Variants in FGGY observed in about 807,000 individuals in gnomAD.
FGGY encodes the protein FGGY carbohydrate kinase domain containing.
FGGY carries 72 observed loss-of-function variants against 71.3 expected under a neutral mutation model. That is an observed-to-expected ratio of 1.01 (90% CI 0.84 to 1.23). The LOEUF is 1.23. Ranked by LOEUF, FGGY falls within the 50% of genes most tolerant of loss-of-function variation. The probability of loss-of-function intolerance (pLI) is 0.00; values close to 1 mark genes in which losing one functional copy is unlikely to be tolerated. For missense variants in FGGY, 668 were observed against 682.3 expected, an observed-to-expected ratio of 0.98 and a Z score of 0.23; for synonymous variants, 251 against 250.3, an observed-to-expected ratio of 1.00 and a Z score of -0.02.
At chr1:59,364,593 T>C (rs568569534) in intron 4 of FGGY, among the ~76,000 whole-genome samples, 3 of 152,356 alleles carry the variant, frequency 2.0e-5, no homozygotes, top group Non-Finnish European at 2.9e-5. Context: ...GGAGTAGAGA[T>C]ATTTAATAAA....
At chr1:59,334,527 T>A (rs1243494795) in intron 2 of FGGY, among the ~76,000 whole-genome samples, 1 of 152,226 alleles carries the variant, frequency 6.6e-6, no homozygotes, top group Non-Finnish European at 1.5e-5. Context: ...ATGTCAAACA[T>A]ATGGCACATA....
chr1:59,624,125 AG>A (rs886084776), intron 9 of FGGY, among the ~76,000 whole-genome samples: 2 of 3,458 alleles, frequency 5.8e-4, no homozygotes, highest in African/African-American at 6.9e-4. Context: ...TAACTGCATG[AG>A]TTTTTTTTTT....
intron 10 of FGGY, among the ~76,000 whole-genome samples, chr1:59,627,136 A>G (rs1350083481): frequency 1.3e-5 from 2 of 152,112 alleles, no homozygotes; most frequent in Non-Finnish European, 2.9e-5. Flanking sequence ...AACTGAACCT[A>G]CTGTATTACA....
chr1:59,748,161 T>C (rs181235386), intron 14 of FGGY, among the ~76,000 whole-genome samples: 1 of 152,102 alleles, frequency 6.6e-6, no homozygotes, highest in Admixed American at 6.5e-5. Context: ...AAGCTAGGGA[T>C]ACTTCAAAGA....
chr1:59,425,132 G>A (rs2066125136), intron 5 of FGGY, among the ~76,000 whole-genome samples: 2 of 152,294 alleles, frequency 1.3e-5, no homozygotes, highest in African/African-American at 2.4e-5. Flanking sequence ...CATATATAAA[G>A]CATGTAGCAT....
intron 6 of FGGY, among the ~76,000 whole-genome samples, chr1:59,479,406 G>A (rs544834736): frequency 6.6e-6 from 1 of 152,308 alleles, no homozygotes; most frequent in Admixed American, 6.5e-5. Flanking sequence ...CTGATAAGAA[G>A]ATTCTAGTAG....
chr1:59,420,906 G>T (rs1161363836), intron 5 of FGGY, among the ~76,000 whole-genome samples: 3 of 151,270 alleles, frequency 2.0e-5, no homozygotes, highest in Admixed American at 6.6e-5. Context: ...AGTATTTTTT[G>T]GGGGTATTTG....
intron 8 of FGGY, among the ~76,000 whole-genome samples, chr1:59,570,018 C>G (rs1353971757): frequency 6.6e-6 from 1 of 152,162 alleles, no homozygotes; most frequent in Non-Finnish European, 1.5e-5. Context: ...TTCCTTGTCT[C>G]TAATTTCCAT....
Position 59,508,480 on chromosome 1 carries a change from G to T in FGGY, c.671-3831G>T, listed in dbSNP as rs565000699. 2.0e-5 allele frequency among the ~76,000 whole-genome samples: 3 copies of T among 152,304 alleles called. No individual in the cohort carries two copies. The South Asian group carries it at 6.2e-4, about 32-fold the overall frequency. On this transcript the variant is annotated intron_variant, in intron 6 of 15. Coordinates refer to ENST00000303721, the MANE Select transcript of FGGY (RefSeq NM_018291.5). ...AATGCTGTGAATAATTTAATTTTAT[G>T]GTGAAAGAAAAGCCAAACAAGGATT...
At chr1:59,312,034 C>G (rs1303183497) in intron 1 of FGGY, among the ~76,000 whole-genome samples, 1 of 152,166 alleles carries the variant, frequency 6.6e-6, no homozygotes, top group African/African-American at 2.4e-5. Flanking sequence ...TATTTGTTGG[C>G]TGCGTAAATG....
chr1:59,409,083 A>AT (rs538491243), intron 5 of FGGY, among the ~76,000 whole-genome samples: 124 of 152,040 alleles, frequency 8.2e-4, no homozygotes, highest in Non-Finnish European at 1.6e-3. Context: ...TTGTCCTTAG[A>AT]TTTTTCCTTC....
intron 12 of FGGY, among the ~76,000 whole-genome samples, chr1:59,661,289 A>G (rs1209262868): frequency 6.6e-6 from 1 of 152,202 alleles, no homozygotes; most frequent in Non-Finnish European, 1.5e-5. Flanking sequence ...AGATTTGTCC[A>G]TGCACCATGT....
chr1:59,407,558 GAA>G (rs377008495), intron 5 of FGGY, among the ~76,000 whole-genome samples: 1 of 151,190 alleles, frequency 6.6e-6, no homozygotes, highest in Non-Finnish European at 1.5e-5. Flanking sequence ...CGGGGAGAGA[GAA>G]AAAAAAATAT....
chr1:59,459,715 A>G (rs1218007944), intron 6 of FGGY, among the ~76,000 whole-genome samples: 1 of 152,240 alleles, frequency 6.6e-6, no homozygotes, highest in African/African-American at 2.4e-5. Context: ...GCAGGGAGAA[A>G]GGACCTTAGG....
chr1:59,512,551 TCAGGATATAATAATGA>T, intron 7 of FGGY, 112 bp downstream of exon 7: 1 of 1,183,370 alleles, frequency 8.5e-7, no homozygotes. Context: ...CTTTGGTGTT[TCAGGATATAATAATGA>T]AAAGCCTTTT....
intron 5 of FGGY, among the ~76,000 whole-genome samples, chr1:59,404,305 C>G (rs767239657): frequency 2.1e-4 from 32 of 152,000 alleles, no homozygotes; most frequent in Non-Finnish European, 2.9e-4. Flanking sequence ...CAATCCACCA[C>G]GCACACATTT....
At position 59,477,512 on chromosome 1, in the gene FGGY, G is replaced by A. The variant is rs577953773; in HGVS notation, c.670+20436G>A. On this transcript the variant is annotated intron_variant, in intron 6 of 15. Transcript: ENST00000303721. ...TGCTGCTTAGACAGTCTTTGCGGGC[G>A]TGAGGAGGTAGTGAGTCATGGAGCC... Among the ~76,000 whole-genome samples, 4 of 152,266 alleles carry A rather than the reference G, an allele frequency of 2.6e-5. No individual in the cohort carries two copies. In the East Asian group the frequency reaches 5.8e-4, roughly 22 times the overall value.
chr1:59,382,230 C>T (rs80147935), intron 5 of FGGY, among the ~76,000 whole-genome samples: 10,381 of 152,236 alleles, frequency 0.068, 421 homozygotes, highest in African/African-American at 0.092. Context: ...CGGGAAATAG[C>T]AGTACCATTT....
At chr1:59,754,217 G>A (rs2098271080) in intron 14 of FGGY, among the ~76,000 whole-genome samples, 1 of 152,188 alleles carries the variant, frequency 6.6e-6, no homozygotes, top group African/African-American at 2.4e-5. Flanking sequence ...AGCCTTATAG[G>A]TGTTTACAGC....
Sources: allele counts gnomAD v4.1 joint callset (sites outside exome capture counted in the v4.1 genomes callset), GRCh38; gene constraint gnomAD v4.1.1; transcripts MANE v1.5; gene names NCBI Gene and HGNC (gene_info 2026-07-23, HGNC 2026-07-21).